Variants in NBAS observed in about 807,000 individuals in gnomAD.
NBAS encodes NAG/BC035112 fusion.
NBAS carries 219 observed loss-of-function variants against 302.5 expected under a neutral mutation model. The ratio of observed to expected loss-of-function variants is 0.72; its 90% CI spans 0.65 to 0.81. NBAS has a LOEUF of 0.81. Ranked by LOEUF, NBAS falls within the 30% of genes least tolerant of loss-of-function variation. NBAS has a pLI of 0.00. For missense variants in NBAS, 2,932 were observed against 2,841.6 expected (o/e 1.03, Z -0.72); for synonymous variants, 1,118 against 1,021.6 (o/e 1.09, Z -1.80).
Position 15,368,261 on chromosome 2 carries a change from G to A in NBAS, c.3704-1568C>T, listed in dbSNP as rs182288904. On this transcript the variant is annotated intron_variant, in intron 31 of 51. Coordinates refer to ENST00000281513, the MANE Select transcript of NBAS (RefSeq NM_015909.4). Reference sequence around the variant, plus strand: ...GTTGCCCAGGCTGGAGTGCAGTGGCGTAATCTCGGCTTACTGCAACCTCCA... The same window carrying A: ...GTTGCCCAGGCTGGAGTGCAGTGGCATAATCTCGGCTTACTGCAACCTCCA... 3.2e-3 allele frequency among the ~76,000 whole-genome samples: 459 copies of A among 141,580 alleles called. 3 individuals are homozygous for A. Among genetic ancestry groups the A allele is most frequent in the Non-Finnish European group, 4.4e-3 (292 of 66,870 alleles). The allele number at this position is 141,580 out of a possible 152,430, so 92.9% of individuals were successfully genotyped here.
chr2:15,533,711 TG>T (rs2148679420), intron 9 of NBAS, among the ~76,000 whole-genome samples: 1 of 148,540 alleles, frequency 6.7e-6, no homozygotes, highest in African/African-American at 2.5e-5. Context: ...TGTGTGTGTG[TG>T]TGTGTGTGTG....
chr2:15,144,751 G>T, the NBAS span, among the ~76,000 whole-genome samples: 2 of 152,226 alleles, frequency 1.3e-5, no homozygotes, highest in African/African-American at 2.4e-5. Flanking sequence ...TCCAAGCTTT[G>T]CCAACTCAGA....
chr2:15,193,355 C>T (rs1168033260), intron 48 of NBAS, among the ~76,000 whole-genome samples: 1 of 152,132 alleles, frequency 6.6e-6, no homozygotes, highest in Non-Finnish European at 1.5e-5. Flanking sequence ...CTTAAGAATG[C>T]AATTTTAAAT....
chr2:15,428,059 T>G (rs978143857), intron 21 of NBAS, among the ~76,000 whole-genome samples: 2 of 152,248 alleles, frequency 1.3e-5, no homozygotes, highest in African/African-American at 4.8e-5. Context: ...TAAGTTTTCA[T>G]TCACAAATTC....
intron 2 of NBAS, among the ~76,000 whole-genome samples, chr2:15,557,684 G>C (rs970145035): frequency 2.0e-5 from 3 of 152,110 alleles, no homozygotes; most frequent in African/African-American, 7.2e-5. Flanking sequence ...CTGGTATAAG[G>C]ATGGACTTTG....
chr2:15,103,165 T>C, the NBAS span, among the ~76,000 whole-genome samples: 1 of 152,160 alleles, frequency 6.6e-6, no homozygotes, highest in Non-Finnish European at 1.5e-5. Flanking sequence ...AATACAACCA[T>C]GTTTTTAAGT....
the NBAS span, among the ~76,000 whole-genome samples, chr2:14,940,095 A>G: frequency 1.1e-4 from 17 of 152,220 alleles, no homozygotes; most frequent in Non-Finnish European, 2.5e-4. Context: ...TTTACCCCCT[A>G]CAGTAGCCAC....
the NBAS span, among the ~76,000 whole-genome samples, chr2:15,063,660 C>T: frequency 1.6e-4 from 25 of 151,904 alleles, no homozygotes; most frequent in Non-Finnish European, 3.4e-4. Context: ...GGCTGTAATC[C>T]GATATGACTA....
chr2:15,205,005 T>C (rs1490997690), intron 48 of NBAS, among the ~76,000 whole-genome samples: 2 of 151,748 alleles, frequency 1.3e-5, no homozygotes, highest in African/African-American at 4.8e-5. Context: ...ACTTAAACTA[T>C]AATAATAAAA....
At chr2:14,970,540 G>A in the NBAS span, among the ~76,000 whole-genome samples, 1 of 152,118 alleles carries the variant, frequency 6.6e-6, no homozygotes, top group African/African-American at 2.4e-5. Flanking sequence ...GAAAGAAACA[G>A]GTCCTCTAAT....
chr2:14,787,891 C>T, the NBAS span, among the ~76,000 whole-genome samples: 1 of 152,158 alleles, frequency 6.6e-6, no homozygotes, highest in Non-Finnish European at 1.5e-5. Context: ...TGGGGAAGTT[C>T]TCCTGGATAA....
chr2:15,166,009 C>A (rs1007969011), downstream of NBAS, among the ~76,000 whole-genome samples: 1 of 152,216 alleles, frequency 6.6e-6, no homozygotes, highest in South Asian at 2.1e-4. Flanking sequence ...TGCTCTCCCC[C>A]AGCTGTGCCT....
the NBAS span, among the ~76,000 whole-genome samples, chr2:14,909,980 A>C: frequency 1.3e-5 from 2 of 152,182 alleles, no homozygotes; most frequent in Admixed American, 6.5e-5. Flanking sequence ...CTGCTAATTA[A>C]AAACAGGTGC....
chr2:15,534,679 A>C (rs375476568), intron 8 of NBAS, 38 bp from the exon 9 acceptor site: 3 of 1,385,090 alleles, frequency 2.2e-6, no homozygotes, highest in Non-Finnish European at 3.1e-6. Context: ...AAATACCATT[A>C]AACCACAATG....
intron 25 of NBAS, among the ~76,000 whole-genome samples, chr2:15,405,848 A>C (rs1676382209): frequency 6.6e-6 from 1 of 152,112 alleles, no homozygotes; most frequent in East Asian, 1.9e-4. Flanking sequence ...CTTAGGAATA[A>C]ATTTAACAAA....
At chr2:15,076,846 C>A in the NBAS span, among the ~76,000 whole-genome samples, 1 of 152,200 alleles carries the variant, frequency 6.6e-6, no homozygotes, top group Non-Finnish European at 1.5e-5. Flanking sequence ...CAATATTTCA[C>A]AACAGCTCAG....
intron 25 of NBAS, among the ~76,000 whole-genome samples, chr2:15,405,967 C>T (rs956941065): frequency 1.3e-5 from 2 of 151,904 alleles, no homozygotes; most frequent in African/African-American, 2.4e-5. Flanking sequence ...GATGACTGAA[C>T]ATTATACAAA....
At chr2:15,175,198 C>T (rs1361530801) in intron 51 of NBAS, among the ~76,000 whole-genome samples, 1 of 152,110 alleles carries the variant, frequency 6.6e-6, no homozygotes, top group Non-Finnish European at 1.5e-5. Context: ...GATCTCCTGA[C>T]CTCATGATCC....
At chr2:15,268,072 A>G (rs1669154774) in intron 44 of NBAS, among the ~76,000 whole-genome samples, 1 of 152,214 alleles carries the variant, frequency 6.6e-6, no homozygotes, top group Non-Finnish European at 1.5e-5. Flanking sequence ...ATTTATTGTT[A>G]GCTAGACATT....
Sources: gnomAD v4.1 joint callset for allele counts (sites outside exome capture counted in the v4.1 genomes callset) on GRCh38, gnomAD v4.1.1 for gene constraint, MANE v1.5 for transcripts, NCBI Gene and HGNC (gene_info 2026-07-23, HGNC 2026-07-21) for gene names.